Variants in CA1 observed in about 807,000 individuals in gnomAD.
The protein encoded by CA1 is carbonate dehydratase I.
In CA1, 27 loss-of-function variants were observed where a neutral mutation model predicts 28.8. The observed-to-expected ratio is 0.94, with a 90% CI of 0.69 to 1.29. CA1 has a LOEUF of 1.29. Ranked by LOEUF, CA1 falls within the 50% of genes most tolerant of loss-of-function variation. The pLI, the probability that CA1 is intolerant of heterozygous loss-of-function variation, is 0.00. For synonymous variants in CA1, 121 were observed against 108.8 expected (o/e 1.11, Z -0.70); for missense variants, 335 against 310.5 (o/e 1.08, Z -0.59).
In CA1 at chr8:85,372,055, A is replaced by G. The variant is rs116027201; in HGVS notation, c.-25+5991T>C. On this transcript the variant is annotated intron_variant, in intron 1 of 7. Transcript: ENST00000523022. The stretch of plus-strand genomic sequence containing the variant: ...GATTGCCACTTTTTAAGTGCAGACT[A>G]CGTGCTAATGGTTTCACATATATTA... Among the ~76,000 whole-genome samples the G allele has an allele frequency of 4.5e-3, 687 of 152,302 alleles. 7 individuals are homozygous for G. Among genetic ancestry groups the G allele is most frequent in the African/African-American group, 0.015 (642 of 41,582 alleles).
At chr8:85,342,359 C>T (rs1007895566) in intron 1 of CA1, among the ~76,000 whole-genome samples, 2 of 151,934 alleles carry the variant, frequency 1.3e-5, no homozygotes, top group African/African-American at 4.8e-5. Flanking sequence ...AATTTATAAA[C>T]CAGTTTCTTA....
chr8:85,330,984 A>G (rs1213452359), intron 6 of CA1, among the ~76,000 whole-genome samples: 1 of 152,012 alleles, frequency 6.6e-6, no homozygotes, highest in Non-Finnish European at 1.5e-5. Flanking sequence ...ATTGATGGGA[A>G]GTTTTCTGTC....
chr8:85,374,087 T>C (rs1025933833), intron 1 of CA1, among the ~76,000 whole-genome samples: 1 of 152,124 alleles, frequency 6.6e-6, no homozygotes, highest in Middle Eastern at 3.4e-3. Context: ...GTAAATTTAA[T>C]TTTACCACAA....
rs1275075362 is a variant in CA1, at chr8:85,344,246, A to ATATATTATACAGTATATAATATAAT, written c.-24-2588_-24-2587insATTATATTATATACTGTATAATATA. Reference sequence around the variant, plus strand: ...TATATACAGTATATAATATATAATTATATATTATATACAGTATATAATATA... The same window carrying ATATATTATACAGTATATAATATAAT: ...TATATACAGTATATAATATATAATTATATATTATACAGTATATAATATAATTATATTATATACAGTATATAATATA... On this transcript the variant is annotated intron_variant, in intron 1 of 7. Coordinates refer to ENST00000523022, the MANE Select transcript of CA1 (RefSeq NM_001128831.4). 2.2e-4 allele frequency among the ~76,000 whole-genome samples: 20 copies of ATATATTATACAGTATATAATATAAT among 90,498 alleles called. 3 individuals are homozygous for ATATATTATACAGTATATAATATAAT. Among genetic ancestry groups the ATATATTATACAGTATATAATATAAT allele is most frequent in the East Asian group, 1.2e-3 (4 of 3,400 alleles). 59.4% of individuals were successfully genotyped at this position (90,498 alleles called of 152,430 possible). A position where few individuals can be genotyped will look rare whatever the true frequency, so the allele number is the denominator to read the frequency against.
chr8:85,353,771 T>C (rs1459753692), intron 1 of CA1, among the ~76,000 whole-genome samples: 22 of 152,192 alleles, frequency 1.4e-4, no homozygotes, highest in Admixed American at 1.4e-3. Context: ...TTTCTCATTG[T>C]TATAAACAAA....
rs112167742 is a variant in CA1 at position 85,360,582 on chromosome 8, A to G, written c.-25+17464T>C. ...GTGGCATGTGCCTGTAGTCCCAGCTACTTGGGGGACCGAGGCAGAAGGATT... is the reference window on the plus strand; with the variant it reads ...GTGGCATGTGCCTGTAGTCCCAGCTGCTTGGGGGACCGAGGCAGAAGGATT... On this transcript the variant is annotated intron_variant, in intron 1 of 7. Coordinates refer to ENST00000523022, the MANE Select transcript of CA1 (RefSeq NM_001128831.4). Among the ~76,000 whole-genome samples, 655 of 152,326 alleles carry G rather than the reference A, an allele frequency of 4.3e-3. 6 individuals are homozygous for G. Among genetic ancestry groups the G allele is most frequent in the African/African-American group, 0.015 (616 of 41,570 alleles).
At chr8:85,376,658 AAAAT>A (rs200425469) in intron 1 of CA1, among the ~76,000 whole-genome samples, 38,872 of 139,926 alleles carry the variant, frequency 0.28, 5,900 homozygotes, top group East Asian at 0.51. Context: ...AATTGTCTCA[AAAAT>A]AAATAAATAA....
intron 1 of CA1, among the ~76,000 whole-genome samples, chr8:85,355,178 G>A (rs1252953283): frequency 6.6e-6 from 1 of 152,160 alleles, no homozygotes. Context: ...ACCAGAGGTT[G>A]AGAGAAATGC....
chr8:85,345,668 C>T (rs1192600290), intron 1 of CA1, among the ~76,000 whole-genome samples: 2 of 152,080 alleles, frequency 1.3e-5, no homozygotes, highest in African/African-American at 4.8e-5. Context: ...TATGCTTACC[C>T]AAGTGCACTG....
intron 1 of CA1, among the ~76,000 whole-genome samples, chr8:85,348,818 A>G (rs1316995752): frequency 2.0e-5 from 3 of 152,248 alleles, no homozygotes; most frequent in Non-Finnish European, 4.4e-5. Flanking sequence ...TTAACGATTA[A>G]TACACATAGC....
chr8:85,328,403 A>T lies in CA1; in HGVS notation c.*157T>A. On this transcript the variant is annotated 3_prime_UTR_variant, in exon 8 of 8. Coordinates refer to ENST00000523022, the MANE Select transcript of CA1 (RefSeq NM_001128831.4). ...TTATTATTTGAATTAAGCAGTAAGA[A>T]CTAAAATTTAAGTTTCTTAGTTTTA... 1 of 529,352 alleles carries T rather than the reference A, an allele frequency of 1.9e-6. No homozygotes were observed. The highest frequency in any genetic ancestry group is 3.3e-6 in the Non-Finnish European group (1 of 298,610). 32.8% of individuals were successfully genotyped at this position (529,352 alleles called of 1,614,324 possible).
At chr8:85,368,294 A>G (rs1248719441) in intron 1 of CA1, among the ~76,000 whole-genome samples, 1 of 151,920 alleles carries the variant, frequency 6.6e-6, no homozygotes, top group Admixed American at 6.6e-5. Flanking sequence ...CAGTCTCCTG[A>G]GTAGATGGGA....
At chr8:85,362,543 T>C (rs1585959809) in intron 1 of CA1, among the ~76,000 whole-genome samples, 2 of 152,226 alleles carry the variant, frequency 1.3e-5, no homozygotes, top group Non-Finnish European at 2.9e-5. Flanking sequence ...TGTAATTGAA[T>C]TGGCATATTT....
At chr8:85,350,430 T>TA (rs1394194170) in intron 1 of CA1, among the ~76,000 whole-genome samples, 1 of 152,200 alleles carries the variant, frequency 6.6e-6, no homozygotes, top group Non-Finnish European at 1.5e-5. Flanking sequence ...GAAAGGCTCT[T>TA]AATTGCATCG....
chr8:85,354,926 C>A (rs576671759), intron 1 of CA1, among the ~76,000 whole-genome samples: 22 of 152,282 alleles, frequency 1.4e-4, no homozygotes, highest in African/African-American at 5.1e-4. Context: ...CCATCTGGAG[C>A]AACTCAGCTT....
Position 85,328,225 on chromosome 8 carries a change from G to C in CA1, c.*335C>G, listed in dbSNP as rs1278935099. 1 of 178,732 alleles carries C rather than the reference G, an allele frequency of 5.6e-6. No individual in the cohort carries two copies. The highest frequency in any genetic ancestry group is 2.4e-5 in the African/African-American group (1 of 41,838). The allele number at this position is 178,732 out of a possible 1,614,324, so 11.1% of individuals were successfully genotyped here. The stretch of plus-strand genomic sequence containing the variant: ...GGTTTTAGAAACTGAATGCACAACA[G>C]AAAGAAAGAGATAAAATTATTTTAT... On this transcript the variant is annotated 3_prime_UTR_variant, in exon 8 of 8. Transcript: ENST00000523022.
intron 2 of CA1, chr8:85,340,904 G>A (rs1039352312): frequency 6.6e-6 from 1 of 152,418 alleles, no homozygotes; most frequent in Non-Finnish European, 1.5e-5. Context: ...CAGCACGTTG[G>A]GAGGCCAAGG....
intron 1 of CA1, among the ~76,000 whole-genome samples, chr8:85,344,235 A>ATATATATATACTT (rs1491407644): frequency 4.4e-4 from 44 of 100,912 alleles, no homozygotes; most frequent in African/African-American, 2.1e-3. Context: ...TACAGTATAT[A>ATATATATATACTT]ATATATAATT....
chr8:85,359,971 C>A (rs1277165387), intron 1 of CA1, among the ~76,000 whole-genome samples: 2 of 152,174 alleles, frequency 1.3e-5, no homozygotes, highest in Non-Finnish European at 2.9e-5. Flanking sequence ...AAAACATGTG[C>A]TTATGTTCTA....
Sources: allele counts gnomAD v4.1 joint callset (sites outside exome capture counted in the v4.1 genomes callset), GRCh38; gene constraint gnomAD v4.1.1; transcripts MANE v1.5; gene names NCBI Gene and HGNC (gene_info 2026-07-23, HGNC 2026-07-21).